The following DAOA variants were observed in gnomAD, a reference collection of about 807,000 sequenced individuals.
The protein encoded by DAOA is D-amino acid oxidase regulator.
In DAOA, 15 loss-of-function variants were observed where a neutral mutation model predicts 16.4. The ratio of observed to expected loss-of-function variants is 0.91; its 90% CI spans 0.61 to 1.41. The LOEUF (loss-of-function observed/expected upper bound fraction) is 1.41, where lower values mean the gene tolerates loss of function less well. Among genes scored for constraint, DAOA ranks in the 40% most tolerant of loss-of-function variants. DAOA has a pLI of 0.00. For synonymous variants in DAOA, 75 were observed against 59.1 expected, an observed-to-expected ratio of 1.27 and a Z score of -1.23; for missense variants, 230 against 176.8, an observed-to-expected ratio of 1.30 and a Z score of -1.71.
At chr13:105,483,645 A>AT (rs529379879) in intron 4 of DAOA, among the ~76,000 whole-genome samples, 7 of 150,190 alleles carry the variant, frequency 4.7e-5, no homozygotes, top group Non-Finnish European at 1.0e-4. Context: ...TTCTCTACCC[A>AT]TTTTTTTTCA....
intron 3 of DAOA, chr13:105,467,583 C>CTTTTTTTT (rs71114923): frequency 1.5e-5 from 2 of 137,252 alleles, no homozygotes; most frequent in Non-Finnish European, 1.6e-5. Flanking sequence ...AATTCTTTTT[C>CTTTTTTTT]TTTTTTTTTT....
At chr13:105,483,868 ATTGT>A (rs553240749) in intron 4 of DAOA, among the ~76,000 whole-genome samples, 10 of 151,950 alleles carry the variant, frequency 6.6e-5, no homozygotes, top group Admixed American at 5.9e-4. Flanking sequence ...TGTTGTTGCG[ATTGT>A]TTAATTTTTA....
chr13:105,481,570 C>A (rs529855747), intron 4 of DAOA, among the ~76,000 whole-genome samples: 60 of 152,232 alleles, frequency 3.9e-4, no homozygotes, highest in African/African-American at 1.3e-3. Flanking sequence ...AAATAAAAGC[C>A]ATAAAAAACA....
intron 2 of DAOA, 180 bp from the exon 3 acceptor site, chr13:105,466,873 C>A (rs1391908762): frequency 3.1e-5 from 26 of 831,928 alleles, no homozygotes; most frequent in Non-Finnish European, 3.7e-5. Context: ...AAATGCAAAC[C>A]TCAATATCTT....
intron 4 of DAOA, among the ~76,000 whole-genome samples, chr13:105,473,177 GTT>G (rs1491380633): frequency 2.6e-5 from 4 of 151,486 alleles, no homozygotes; most frequent in African/African-American, 7.3e-5. Flanking sequence ...GTGTGTGTGT[GTT>G]TGTGTGTGTA....
chr13:105,477,701 G>A (rs924207301), intron 4 of DAOA, among the ~76,000 whole-genome samples: 2 of 152,186 alleles, frequency 1.3e-5, no homozygotes, highest in Non-Finnish European at 2.9e-5. Context: ...TCCAGCCTGG[G>A]TGACAGAGCC....
intron 4 of DAOA, among the ~76,000 whole-genome samples, chr13:105,475,713 G>A (rs1286650359): frequency 6.6e-6 from 1 of 152,130 alleles, no homozygotes; most frequent in African/African-American, 2.4e-5. Flanking sequence ...GAAATAATCT[G>A]GGTGATTTAG....
At chr13:105,473,157 G>C (rs1405565893) in intron 4 of DAOA, among the ~76,000 whole-genome samples, 1 of 21,696 alleles carries the variant, frequency 4.6e-5, no homozygotes, top group Non-Finnish European at 1.7e-4. Context: ...CTACGTGAGA[G>C]TGTGTGTGTG....
intron 4 of DAOA, among the ~76,000 whole-genome samples, chr13:105,475,551 C>G (rs1267235606): frequency 6.6e-6 from 1 of 151,672 alleles, no homozygotes; most frequent in African/African-American, 2.4e-5. Flanking sequence ...GGAACTTGAC[C>G]ACAGAAACTG....
At chr13:105,484,258 T>C (rs1272069782) in intron 4 of DAOA, among the ~76,000 whole-genome samples, 1 of 152,094 alleles carries the variant, frequency 6.6e-6, no homozygotes, top group East Asian at 1.9e-4. Flanking sequence ...AATAACTGTC[T>C]TAAAAATATA....
chr13:105,490,940 G>T lies in DAOA; in HGVS notation c.*140G>T, dbSNP rs1878475574. 6.6e-6 allele frequency: 1 copy of T among 151,802 alleles called. No individual in the cohort carries two copies. Among genetic ancestry groups the T allele is most frequent in the Non-Finnish European group, 1.5e-5 (1 of 67,964 alleles). The allele number at this position is 151,802 out of a possible 1,614,324, so 9.4% of individuals were successfully genotyped here. A position where few individuals can be genotyped will look rare whatever the true frequency, so the allele number is the denominator to read the frequency against. The stretch of plus-strand genomic sequence containing the variant: ...ATGGGATTGTATTTGCAACTCTCTG[G>T]TCAGTAAGTGATAAAATGCCATTTC... On this transcript the variant is annotated 3_prime_UTR_variant, in exon 6 of 6. Transcript: ENST00000375936.
intron 4 of DAOA, among the ~76,000 whole-genome samples, chr13:105,487,547 G>T (rs1203695037): frequency 6.7e-6 from 1 of 148,646 alleles, no homozygotes; most frequent in Non-Finnish European, 1.5e-5. Flanking sequence ...ACCTAAATGT[G>T]TTAAGGCAGA....
At chr13:105,485,385 A>G (rs1183672875) in intron 4 of DAOA, among the ~76,000 whole-genome samples, 5 of 152,194 alleles carry the variant, frequency 3.3e-5, no homozygotes, top group Non-Finnish European at 5.9e-5. Flanking sequence ...CATCTGGAAG[A>G]AACCTGGAAG....
intron 4 of DAOA, among the ~76,000 whole-genome samples, chr13:105,482,807 G>GT (rs1877847208): frequency 1.3e-5 from 2 of 152,018 alleles, no homozygotes; most frequent in Admixed American, 1.3e-4. Context: ...CTCCTGGCCA[G>GT]TTTTTAAGAG....
rs762287935 is a variant in DAOA, at chr13:105,489,810, A to G, written c.282-91A>G. ...TGGGCAGGAGCTGGGACTTCTAACC[A>G]ATGGAACATGGGAAAGGTGATGACA... On this transcript the variant is annotated intron_variant, in intron 4 of 5. Transcript: ENST00000375936. 25 of 1,612,534 alleles carry G rather than the reference A, an allele frequency of 1.6e-5. 1 individual carries two copies. In the South Asian group the frequency reaches 2.5e-4, roughly 16 times the overall value.
At chr13:105,488,158 C>CA (rs1878260488) in intron 4 of DAOA, among the ~76,000 whole-genome samples, 1 of 152,186 alleles carries the variant, frequency 6.6e-6, no homozygotes, top group South Asian at 2.1e-4. Context: ...CTAATAATTT[C>CA]AATCTGGTCT....
Position 105,472,795 on chromosome 13 carries a change from G to A in DAOA, c.281+110G>A, listed in dbSNP as rs1317597320. ...TTTTTAATATTAGATTATACTTCAT[G>A]TTGAACTTTTATCTAGCTCAGAGAT... On this transcript the variant is annotated intron_variant, in intron 4 of 5. Coordinates refer to ENST00000375936, the MANE Select transcript of DAOA (RefSeq NM_172370.5). 4.2e-6 allele frequency: 4 copies of A among 942,994 alleles called. No individual in the cohort carries two copies. In the East Asian group the frequency reaches 1.1e-4, roughly 26 times the overall value. The allele number at this position is 942,994 out of a possible 1,614,324, so 58.4% of individuals were successfully genotyped here.
intron 2 of DAOA, 179 bp downstream of exon 2, chr13:105,466,511 G>A: frequency 1.0e-6 from 1 of 991,226 alleles, no homozygotes; most frequent in Non-Finnish European, 1.4e-6. Flanking sequence ...GTCAGTCAAA[G>A]GAGAACCTAG....
chr13:105,470,852 A>T (rs1292910131), intron 3 of DAOA, among the ~76,000 whole-genome samples: 1 of 151,830 alleles, frequency 6.6e-6, no homozygotes. Flanking sequence ...GTGCAGTGAC[A>T]CGATCTCAGC....
Sources: gnomAD v4.1 joint callset for allele counts (sites outside exome capture counted in the v4.1 genomes callset) on GRCh38, gnomAD v4.1.1 for gene constraint, MANE v1.5 for transcripts, NCBI Gene and HGNC (gene_info 2026-07-23, HGNC 2026-07-21) for gene names.